Variants in SH3D19 observed in about 807,000 individuals in gnomAD.
SH3D19 encodes the protein SH3 domain-containing protein 19.
SH3D19 carries 58 observed loss-of-function variants against 112.1 expected under a neutral mutation model. The ratio of observed to expected loss-of-function variants is 0.52; its 90% CI spans 0.42 to 0.64. SH3D19 has a LOEUF of 0.64. Ranked by LOEUF, SH3D19 falls within the 30% of genes least tolerant of loss-of-function variation. The probability of loss-of-function intolerance (pLI) is 0.00; values close to 1 mark genes in which losing one functional copy is unlikely to be tolerated. For missense variants in SH3D19, 1,090 were observed against 1,263.4 expected (o/e 0.86, Z 2.08); for synonymous variants, 391 against 448.5 (o/e 0.87, Z 1.62).
chr4:151,309,446 A>G (rs1729228303), intron 1 of SH3D19, among the ~76,000 whole-genome samples: 1 of 152,360 alleles, frequency 6.6e-6, no homozygotes, highest in South Asian at 2.1e-4. Context: ...CCCATGGAAC[A>G]GGAAAAAATA....
intron 2 of SH3D19, among the ~76,000 whole-genome samples, chr4:151,202,625 A>G (rs1764559060): frequency 1.3e-5 from 2 of 152,138 alleles, no homozygotes; most frequent in South Asian, 2.1e-4. Flanking sequence ...AAAAATTCCT[A>G]ATGATAGGAA....
chr4:151,197,015 A>C (rs1000431048), intron 2 of SH3D19, among the ~76,000 whole-genome samples: 2 of 152,218 alleles, frequency 1.3e-5, no homozygotes, highest in African/African-American at 4.8e-5. Context: ...GTATGGATGC[A>C]GTGAAAAGGG....
At chr4:151,283,320 C>A (rs530056809) in intron 1 of SH3D19, 2 of 1,599,410 alleles carry the variant, frequency 1.3e-6, no homozygotes, top group East Asian at 4.5e-5. Context: ...TTTTTTTAAA[C>A]ATGAGATCTT....
chr4:151,222,756 T>C (rs1377559754), intron 2 of SH3D19, among the ~76,000 whole-genome samples: 1 of 136,104 alleles, frequency 7.3e-6, no homozygotes, highest in Admixed American at 8.3e-5. Flanking sequence ...CACTGCAACC[T>C]CTGCCTCCCG....
intron 1 of SH3D19, among the ~76,000 whole-genome samples, chr4:151,293,204 C>T (rs1775470474): frequency 6.6e-6 from 1 of 152,098 alleles, no homozygotes; most frequent in Non-Finnish European, 1.5e-5. Flanking sequence ...GGTGTGGTGG[C>T]TCACGCCTGT....
At chr4:151,192,183 T>G (rs1335519975) in intron 2 of SH3D19, among the ~76,000 whole-genome samples, 1 of 149,078 alleles carries the variant, frequency 6.7e-6, no homozygotes, top group African/African-American at 2.5e-5. Flanking sequence ...GTGATCCGCC[T>G]GCCTCGGCCT....
chr4:151,190,732 G>A (rs552464276), intron 2 of SH3D19, among the ~76,000 whole-genome samples: 2 of 152,356 alleles, frequency 1.3e-5, no homozygotes, highest in Admixed American at 6.5e-5. Flanking sequence ...GTTTGCTGCA[G>A]GGGTGGGGCT....
chr4:151,193,444 C>A lies in SH3D19; in HGVS notation c.153-5981G>T, dbSNP rs1261183092. On this transcript the variant is annotated intron_variant, in intron 2 of 19. Coordinates refer to ENST00000604030, the MANE Select transcript of SH3D19 (RefSeq NM_001378122.1). ...ATACTGTACTTTTAGTATCAATTAA[C>A]AGAATTTTGGAAGTAATTCTGCATA... Among the ~76,000 whole-genome samples the A allele has an allele frequency of 5.9e-5, 9 of 152,206 alleles. No homozygotes were observed. The East Asian group carries it at 1.7e-3, about 29-fold the overall frequency.
intron 1 of SH3D19, among the ~76,000 whole-genome samples, chr4:151,302,857 G>A (rs569674799): frequency 1.2e-4 from 18 of 151,968 alleles, no homozygotes; most frequent in East Asian, 3.9e-4. Flanking sequence ...ATCACACACC[G>A]GGGCCTGTCG....
At chr4:151,140,967 G>A (rs1561216601) in intron 12 of SH3D19, 1 of 152,118 alleles carries the variant, frequency 6.6e-6, no homozygotes, top group Non-Finnish European at 1.5e-5. Flanking sequence ...CTCAAGTTAG[G>A]TAAACTGAAA....
At chr4:151,263,703 G>A (rs1285506402) in intron 1 of SH3D19, among the ~76,000 whole-genome samples, 2 of 151,920 alleles carry the variant, frequency 1.3e-5, no homozygotes, top group Non-Finnish European at 2.9e-5. Context: ...GGGCCTCGCT[G>A]AAGGAATGCC....
At chr4:151,170,144 C>A (rs2149816075) in intron 7 of SH3D19, among the ~76,000 whole-genome samples, 1 of 152,268 alleles carries the variant, frequency 6.6e-6, no homozygotes, top group East Asian at 1.9e-4. Flanking sequence ...GTTTGGCATG[C>A]CCAAAGGCAC....
chr4:151,207,029 C>G (rs1005747059), intron 2 of SH3D19, among the ~76,000 whole-genome samples: 1 of 152,154 alleles, frequency 6.6e-6, no homozygotes, highest in Admixed American at 6.5e-5. Context: ...TTTAAACTTT[C>G]ATGAGAAAAA....
Position 151,137,149 on chromosome 4 carries a change from C to T in SH3D19, c.2427+583G>A, listed in dbSNP as rs147636084. Among the ~76,000 whole-genome samples the T allele has an allele frequency of 4.7e-3, 716 of 152,182 alleles. 2 individuals carry two copies. The highest frequency in any genetic ancestry group is 7.4e-3 in the Non-Finnish European group (505 of 68,022). On this transcript the variant is annotated intron_variant, in intron 14 of 19. Transcript: ENST00000604030. ...ATAGGAATGCTTTCACAAGTTAGGC[C>T]GTGAGGGTATAAAAATTCTGGTGCT... is the stretch of plus-strand genomic sequence containing the variant.
At chr4:151,203,802 C>G (rs950324148) in intron 2 of SH3D19, among the ~76,000 whole-genome samples, 2 of 152,148 alleles carry the variant, frequency 1.3e-5, no homozygotes, top group African/African-American at 4.8e-5. Context: ...TGACGTTTCT[C>G]TTACTGAAAT....
At chr4:151,229,977 T>C (rs564051630) in intron 1 of SH3D19, among the ~76,000 whole-genome samples, 1 of 152,230 alleles carries the variant, frequency 6.6e-6, no homozygotes, top group Non-Finnish European at 1.5e-5. Context: ...GTTGTGTGTG[T>C]ATAAATGCTG....
chr4:151,158,244 G>A (rs188081828), intron 9 of SH3D19, among the ~76,000 whole-genome samples: 3 of 152,160 alleles, frequency 2.0e-5, no homozygotes, highest in African/African-American at 7.2e-5. Flanking sequence ...AAATAATCAG[G>A]AGCTTTGTCA....
At chr4:151,226,355 T>C in intron 1 of SH3D19, 1 of 1,108,776 alleles carries the variant, frequency 9.0e-7, no homozygotes, top group Non-Finnish European at 1.1e-6. Flanking sequence ...ATAAGATCTT[T>C]CCTGTGCTAA....
At chr4:151,261,756 C>T (rs1772393215) in intron 1 of SH3D19, among the ~76,000 whole-genome samples, 1 of 152,112 alleles carries the variant, frequency 6.6e-6, no homozygotes, top group Admixed American at 6.5e-5. Context: ...AGCAATAGTG[C>T]TGAGACCTTA....
Sources: allele counts gnomAD v4.1 joint callset (sites outside exome capture counted in the v4.1 genomes callset), GRCh38; gene constraint gnomAD v4.1.1; transcripts MANE v1.5; gene names NCBI Gene and HGNC (gene_info 2026-07-23, HGNC 2026-07-21).